The following F2RL2 variants were observed in gnomAD, a reference collection of about 807,000 sequenced individuals.
F2RL2 encodes coagulation factor II thrombin receptor like 2.
F2RL2 carries 4 observed loss-of-function variants against 4.3 expected under a neutral mutation model. The observed-to-expected ratio is 0.93, with a 90% CI of 0.46 to 2.12. The LOEUF (loss-of-function observed/expected upper bound fraction) is 2.12, where lower values mean the gene tolerates loss of function less well. Ranked by LOEUF, F2RL2 falls within the 30% of genes most tolerant of loss-of-function variation. The pLI, the probability that F2RL2 is intolerant of heterozygous loss-of-function variation, is 0.02. For synonymous variants in F2RL2, 166 were observed against 170.9 expected (o/e 0.97, Z 0.22); for missense variants, 408 against 449.3 (o/e 0.91, Z 0.83).
In F2RL2 at chr5:76,617,803, C is replaced by T; in HGVS notation, c.904G>A (p.Ala302Thr). 2 of 1,613,708 alleles carry T rather than the reference C, an allele frequency of 1.2e-6. No homozygotes were observed. Among genetic ancestry groups the T allele is most frequent in the Non-Finnish European group, 1.7e-6 (2 of 1,179,782 alleles). Residue 302 changes from alanine to threonine, a missense_variant, in exon 2 of 2, where the codon GCG becomes ACG. Ala to Thr is a moderately conservative substitution (Grantham distance 58). Coordinates refer to ENST00000296641, the MANE Select transcript of F2RL2 (RefSeq NM_004101.4). ...AAAATCACAAGGATGAGGAGACTCG[C>T]CTTAACATACCACAACCATCTATGA... ...YDHRWLWYVK[A>T]SLLILVIFTI... is the part of the protein sequence containing the mutation.
Position 76,622,390 on chromosome 5 carries a change from A to G in F2RL2, c.64+777T>C, listed in dbSNP as rs147336838. On this transcript the variant is annotated intron_variant, in intron 1 of 1. Transcript: ENST00000296641. Reference sequence around the variant, plus strand: ...GCTCAGGGATTCCAAATGTGAATTTAAGCAATGTTCCTTTAGAAAGCATTG... The same window carrying G: ...GCTCAGGGATTCCAAATGTGAATTTGAGCAATGTTCCTTTAGAAAGCATTG... Among the ~76,000 whole-genome samples, 7 of 152,350 alleles carry G rather than the reference A, an allele frequency of 4.6e-5. No individual in the cohort carries two copies. The East Asian group carries it at 1.3e-3, about 29-fold the overall frequency.
chr5:76,622,885 G>A (rs756028148), intron 1 of F2RL2, among the ~76,000 whole-genome samples: 33 of 152,046 alleles, frequency 2.2e-4, no homozygotes, highest in Non-Finnish European at 7.3e-5. Flanking sequence ...ACACAAAAAC[G>A]ACTTTCAAAA....
Position 76,617,862 on chromosome 5 carries a change from T to G in F2RL2, c.845A>C (p.Tyr282Ser). ...ATTAAGTGTCCGGATGATGGCTGCA[T>G]AGCAGTAGATGATAAGCACAAATGG... The part of the protein sequence containing the change: ...LIPFVLIIYC[Y>S]AAIIRTLNAY... Residue 282 changes from tyrosine to serine, a missense_variant, in exon 2 of 2, where the codon TAT becomes TCT. Tyr to Ser is a moderately radical substitution (Grantham distance 144). Coordinates refer to ENST00000296641, the MANE Select transcript of F2RL2 (RefSeq NM_004101.4). The G allele has an allele frequency of 6.2e-7, 1 of 1,614,098 alleles. No individual in the cohort carries two copies. Among genetic ancestry groups the G allele is most frequent in the African/African-American group, 1.3e-5 (1 of 75,018 alleles).
rs200748550 is a variant in F2RL2, at chr5:76,618,068, T to G, written c.639A>C (p.Thr213=). Residue 213 remains threonine, a synonymous_variant, in exon 2 of 2, where the codon ACA becomes ACC. Transcript: ENST00000296641. ...GLPKHTYALV[T]CGLVWATVFL... is the part of the protein sequence containing the mutation. ...AAACTGTTGCCCACACCAGTCCACA[T>G]GTTACCAAGGCATAGGTGTGCTTGG... The G allele has an allele frequency of 2.5e-5, 41 of 1,613,954 alleles. No homozygotes were observed. The highest frequency in any genetic ancestry group is 3.4e-5 in the Non-Finnish European group (40 of 1,180,030).
In F2RL2 at chr5:76,618,126, G is replaced by A. The variant is rs2150356278; in HGVS notation, c.581C>T (p.Ala194Val). 1.2e-6 allele frequency: 2 copies of A among 1,614,154 alleles called. No homozygotes were observed. Among genetic ancestry groups the A allele is most frequent in the South Asian group, 1.1e-5 (1 of 91,084 alleles). ...CCGGTAGGTGAAAGGATGGACGATG[G>A]CCAGGTAGCGGTTGATGCTGATGCA... ...LACISINRYL[A>V]IVHPFTYRGL... Residue 194 changes from alanine to valine, a missense_variant, in exon 2 of 2, where the codon GCC becomes GTC. Transcript: ENST00000296641.
chr5:76,619,814 G>A (rs1580634344), intron 1 of F2RL2, among the ~76,000 whole-genome samples: 3 of 152,180 alleles, frequency 2.0e-5, no homozygotes, highest in East Asian at 1.9e-4. Context: ...CACCGCGCCC[G>A]GCCAGTTAAG....
At position 76,616,091 on chromosome 5, in the gene F2RL2, C is replaced by A. The variant is rs573977751; in HGVS notation, c.*1491G>T. On this transcript the variant is annotated 3_prime_UTR_variant, in exon 2 of 2. Coordinates refer to ENST00000296641, the MANE Select transcript of F2RL2 (RefSeq NM_004101.4). Reference sequence around the variant, plus strand: ...GCTCAAGGAAGGCAGAGGATGAGCACCTTCTCCATTATACTTGGTACTTGA... The same window carrying A: ...GCTCAAGGAAGGCAGAGGATGAGCAACTTCTCCATTATACTTGGTACTTGA... 1 of 152,644 alleles carries A rather than the reference C, an allele frequency of 6.6e-6. No individual in the cohort carries two copies. Among genetic ancestry groups the A allele is most frequent in the East Asian group, 1.9e-4 (1 of 5,180 alleles). The allele number at this position is 152,644 out of a possible 1,614,324, so 9.5% of individuals were successfully genotyped here. A position where few individuals can be genotyped will look rare whatever the true frequency, so the allele number is the denominator to read the frequency against.
intron 1 of F2RL2, among the ~76,000 whole-genome samples, chr5:76,619,394 T>C (rs2069677): frequency 2.6e-5 from 4 of 152,250 alleles, no homozygotes; most frequent in African/African-American, 9.6e-5. Flanking sequence ...GGAATGACCA[T>C]TGTGTTAGGC....
chr5:76,620,142 G>A (rs1461029013), intron 1 of F2RL2, among the ~76,000 whole-genome samples: 2 of 152,164 alleles, frequency 1.3e-5, no homozygotes, highest in East Asian at 1.9e-4. Flanking sequence ...ATTTGATATA[G>A]CAGCAGTAGG....
intron 1 of F2RL2, among the ~76,000 whole-genome samples, chr5:76,622,739 G>T (rs1158483011): frequency 6.6e-6 from 1 of 152,192 alleles, no homozygotes. Context: ...GCTATTGAAA[G>T]CAGATGACTT....
chr5:76,622,771 G>A (rs1192387706), intron 1 of F2RL2, among the ~76,000 whole-genome samples: 1 of 152,226 alleles, frequency 6.6e-6, no homozygotes, highest in South Asian at 2.1e-4. Context: ...CAGTATTCTT[G>A]TTTCTCCCAT....
intron 1 of F2RL2, among the ~76,000 whole-genome samples, chr5:76,619,072 A>G (rs1325121702): frequency 2.0e-5 from 3 of 152,238 alleles, no homozygotes; most frequent in Non-Finnish European, 2.9e-5. Flanking sequence ...TCTGCTGGTG[A>G]TGAATGGACA....
At position 76,616,576 on chromosome 5, in the gene F2RL2, A is replaced by T. The variant is rs2069689; in HGVS notation, c.*1006T>A. ...TGGTTAGAAGGTAGAGGTGGCCTGG[A>T]CGTAGTGGCTCATGCCTGTAGTCCC... is the stretch of plus-strand genomic sequence containing the variant. On this transcript the variant is annotated 3_prime_UTR_variant, in exon 2 of 2. Transcript: ENST00000296641. The T allele has an allele frequency of 1.2e-4, 19 of 152,816 alleles. No homozygotes were observed. The highest frequency in any genetic ancestry group is 4.1e-4 in the African/African-American group (17 of 41,458). 9.5% of individuals were successfully genotyped at this position (152,816 alleles called of 1,614,324 possible).
Position 76,618,311 on chromosome 5 carries a change from G to A in F2RL2, c.396C>T (p.Tyr132=), listed in dbSNP as rs769990746. 1.2e-6 allele frequency: 2 copies of A among 1,614,240 alleles called. No individual in the cohort carries two copies. The highest frequency in any genetic ancestry group is 2.2e-5 in the South Asian group (2 of 91,090). The change falls in exon 2 of 2, where the codon TAC becomes TAT. Residue 132 remains tyrosine (Y), a synonymous_variant. Transcript: ENST00000296641. The part of the protein sequence containing the change: ...RTRSICTTVF[Y]TNLAIADFLF... ...GAAAATCTGCAATGGCCAGGTTGGT[G>A]TAGAATACAGTGGTACAGATGGATC...
At chr5:76,620,374 T>G (rs1410722055) in intron 1 of F2RL2, among the ~76,000 whole-genome samples, 1 of 152,110 alleles carries the variant, frequency 6.6e-6, no homozygotes, top group South Asian at 2.1e-4. Flanking sequence ...TGGTTCTGAT[T>G]GGCTTTGGGG....
chr5:76,618,376 C>T lies in F2RL2; in HGVS notation c.331G>A (p.Ala111Thr), dbSNP rs751170443. Residue 111 changes from alanine to threonine, a missense_variant, in exon 2 of 2, where the codon GCC becomes ACC. Ala to Thr is a moderately conservative substitution (Grantham distance 58). Coordinates refer to ENST00000296641, the MANE Select transcript of F2RL2 (RefSeq NM_004101.4). The stretch of plus-strand genomic sequence containing the variant: ...AGCATCCACAGGGTCACAGCATTGG[C>T]CGGGACACCAACTACAAACACCAGG... ...YLLVFVVGVP[A>T]NAVTLWMLFF... The T allele has an allele frequency of 1.1e-5, 18 of 1,614,134 alleles. No individual in the cohort carries two copies. The South Asian group carries it at 1.5e-4, about 14-fold the overall frequency.
rs1313831832 is a variant in F2RL2 at position 76,616,073 on chromosome 5, G to A, written c.*1509C>T. The A allele has an allele frequency of 2.0e-5, 3 of 152,664 alleles. No individual in the cohort carries two copies. Among genetic ancestry groups the A allele is most frequent in the Non-Finnish European group, 4.4e-5 (3 of 68,052 alleles). The allele number at this position is 152,664 out of a possible 1,614,324, so 9.5% of individuals were successfully genotyped here. A position where few individuals can be genotyped will look rare whatever the true frequency, so the allele number is the denominator to read the frequency against. On this transcript the variant is annotated 3_prime_UTR_variant, in exon 2 of 2. Coordinates refer to ENST00000296641, the MANE Select transcript of F2RL2 (RefSeq NM_004101.4). ...GCCTGGCATCACCCAGAAGCTCAAG[G>A]AAGGCAGAGGATGAGCACCTTCTCC...
In F2RL2 at chr5:76,616,809, A is replaced by AG. The variant is rs1172842115; in HGVS notation, c.*772dup. 6.6e-6 allele frequency: 1 copy of AG among 152,328 alleles called. No individual in the cohort carries two copies. Among genetic ancestry groups the AG allele is most frequent in the Non-Finnish European group, 1.5e-5 (1 of 68,184 alleles). 9.4% of individuals were successfully genotyped at this position (152,328 alleles called of 1,614,324 possible). A position where few individuals can be genotyped will look rare whatever the true frequency, so the allele number is the denominator to read the frequency against. On this transcript the variant is annotated 3_prime_UTR_variant, in exon 2 of 2. Coordinates refer to ENST00000296641, the MANE Select transcript of F2RL2 (RefSeq NM_004101.4). ...TTGGAGGCTGAAGTGAGCTATGATC[A>AG]GGCTACTGCACTTCAGCCAGGTGAC...
Position 76,615,498 on chromosome 5 carries a change from T to C in F2RL2, c.*2084A>G, listed in dbSNP as rs1461438145. The stretch of plus-strand genomic sequence containing the variant: ...TTAAAAATATGCATTTAAAATTGTT[T>C]TTTATTGTTTTGTTGGGCAGTATGA... On this transcript the variant is annotated 3_prime_UTR_variant, in exon 2 of 2. Coordinates refer to ENST00000296641, the MANE Select transcript of F2RL2 (RefSeq NM_004101.4). 6.6e-6 allele frequency: 1 copy of C among 152,216 alleles called. No individual in the cohort carries two copies. Among genetic ancestry groups the C allele is most frequent in the East Asian group, 1.9e-4 (1 of 5,202 alleles). 9.4% of individuals were successfully genotyped at this position (152,216 alleles called of 1,614,324 possible).
Sources: allele counts gnomAD v4.1 joint callset (sites outside exome capture counted in the v4.1 genomes callset), GRCh38; gene constraint gnomAD v4.1.1; transcripts MANE v1.5; gene names NCBI Gene and HGNC (gene_info 2026-07-23, HGNC 2026-07-21).